RYR3: variants seen among roughly 807,000 people sequenced by gnomAD.
RYR3 encodes brain ryanodine receptor-calcium release channel.
RYR3 carries 207 observed loss-of-function variants against 584.3 expected under a neutral mutation model. That is an observed-to-expected ratio of 0.35 (90% CI 0.32 to 0.40). RYR3 has a LOEUF of 0.40. Among genes scored for constraint, RYR3 ranks in the 10% least tolerant of loss-of-function variants. RYR3 has a pLI of 1.00. For missense variants in RYR3, 5,616 were observed against 6,089.2 expected, an observed-to-expected ratio of 0.92 and a Z score of 2.59; for synonymous variants, 2,416 against 2,248.5, an observed-to-expected ratio of 1.07 and a Z score of -2.11.
At chr15:33,789,255 T>C (rs2074940483) in intron 67 of RYR3, among the ~76,000 whole-genome samples, 1 of 152,042 alleles carries the variant, frequency 6.6e-6, no homozygotes, top group Non-Finnish European at 1.5e-5. Flanking sequence ...GGACTCTGAC[T>C]TTTACTCTGA....
At chr15:33,821,410 C>A (rs770172398) in intron 79 of RYR3, 41 bp downstream of exon 79, 1 of 1,582,998 alleles carries the variant, frequency 6.3e-7, no homozygotes, top group African/African-American at 1.3e-5. Context: ...GTAACTTCCA[C>A]AAAGATATCA....
chr15:33,818,741 C>A, intron 76 of RYR3, 57 bp downstream of exon 76: 1 of 1,255,052 alleles, frequency 8.0e-7, no homozygotes, highest in Non-Finnish European at 1.2e-6. Flanking sequence ...TGTGTCCACT[C>A]CTGACCTTCT....
chr15:33,450,772 A>G (rs777409382), intron 1 of RYR3, among the ~76,000 whole-genome samples: 4 of 152,102 alleles, frequency 2.6e-5, no homozygotes, highest in Non-Finnish European at 5.9e-5. Flanking sequence ...ATGTGCCGAG[A>G]AAAAGGGGAG....
chr15:33,597,662 A>G (rs1156404821), intron 16 of RYR3, among the ~76,000 whole-genome samples: 1 of 152,114 alleles, frequency 6.6e-6, no homozygotes, highest in Non-Finnish European at 1.5e-5. Flanking sequence ...GAACTTTAAA[A>G]AGCATTTTAT....
In RYR3 at chr15:33,543,602, A is replaced by G. The variant is rs780486027; in HGVS notation, c.647-20A>G. 5.5e-6 allele frequency: 8 copies of G among 1,445,898 alleles called. No homozygotes were observed. In the South Asian group the frequency reaches 9.1e-5, roughly 17 times the overall value. The allele number at this position is 1,445,898 out of a possible 1,614,324, so 89.6% of individuals were successfully genotyped here. A position where few individuals can be genotyped will look rare whatever the true frequency, so the allele number is the denominator to read the frequency against. On this transcript the variant is annotated intron_variant, in intron 7 of 103. Transcript: ENST00000634891. ...CATTAAACTTCCCATCATTCACAGT[A>G]GAATATAATTCTCTTACAGGATACC...
chr15:33,796,945 G>T lies in RYR3; in HGVS notation c.9831-3825G>T, dbSNP rs553374600. On this transcript the variant is annotated intron_variant, in intron 67 of 103. Transcript: ENST00000634891. Reference sequence around the variant, plus strand: ...CTTTAGTGATTAAAAGGACAAAATCGTGTCTTTTATAGCAACGTGCATGGA... The same window carrying T: ...CTTTAGTGATTAAAAGGACAAAATCTTGTCTTTTATAGCAACGTGCATGGA... 1.4e-4 allele frequency among the ~76,000 whole-genome samples: 21 copies of T among 152,250 alleles called. 1 individual carries two copies. Among genetic ancestry groups the T allele is most frequent in the Admixed American group, 4.6e-4 (7 of 15,288 alleles).
At position 33,748,550 on chromosome 15, in the gene RYR3, C is replaced by G; in HGVS notation, c.8199+20C>G. On this transcript the variant is annotated intron_variant, in intron 55 of 103. Coordinates refer to ENST00000634891, the MANE Select transcript of RYR3 (RefSeq NM_001036.6). Reference sequence around the variant, plus strand: ...CTCCAGGTCAGTGCCCCAGGTCCAGCATGACTTGCTTTCAAGTGCAGGACG... The same window carrying G: ...CTCCAGGTCAGTGCCCCAGGTCCAGGATGACTTGCTTTCAAGTGCAGGACG... The G allele has an allele frequency of 6.2e-7, 1 of 1,604,866 alleles. No individual in the cohort carries two copies. Among genetic ancestry groups the G allele is most frequent in the Non-Finnish European group, 8.5e-7 (1 of 1,173,544 alleles).
intron 1 of RYR3, among the ~76,000 whole-genome samples, chr15:33,420,515 T>G (rs2044164358): frequency 6.6e-6 from 1 of 152,172 alleles, no homozygotes; most frequent in Non-Finnish European, 1.5e-5. Flanking sequence ...ATGTTGTGTC[T>G]TATTTGTTCT....
intron 38 of RYR3, among the ~76,000 whole-genome samples, chr15:33,685,383 C>T (rs1333221469): frequency 6.6e-6 from 1 of 152,154 alleles, no homozygotes; most frequent in East Asian, 1.9e-4. Context: ...ATCAATTCAA[C>T]AAGAAGAGCT....
chr15:33,434,336 C>G (rs1489793592), intron 1 of RYR3, among the ~76,000 whole-genome samples: 1 of 151,808 alleles, frequency 6.6e-6, no homozygotes, highest in Non-Finnish European at 1.5e-5. Context: ...CTTGGTGGGT[C>G]CTGTGCTTAT....
At chr15:33,325,332 G>A (rs1013498223) in intron 1 of RYR3, among the ~76,000 whole-genome samples, 3 of 152,172 alleles carry the variant, frequency 2.0e-5, no homozygotes, top group Admixed American at 1.3e-4. Context: ...TGTACTTGCC[G>A]ATTAGGAGCA....
chr15:33,845,192 C>G, intron 93 of RYR3, 130 bp downstream of exon 93: 1 of 792,752 alleles, frequency 1.3e-6, no homozygotes, highest in Non-Finnish European at 2.0e-6. Flanking sequence ...AGAGCAGCAG[C>G]AGCACATCAC....
intron 5 of RYR3, among the ~76,000 whole-genome samples, chr15:33,535,465 A>G (rs932993959): frequency 6.6e-6 from 1 of 152,234 alleles, no homozygotes; most frequent in African/African-American, 2.4e-5. Flanking sequence ...GTTTTCAGCC[A>G]AAGTGTTAGT....
At chr15:33,328,422 A>T (rs1426733666) in intron 1 of RYR3, among the ~76,000 whole-genome samples, 32 of 152,154 alleles carry the variant, frequency 2.1e-4, no homozygotes, top group Non-Finnish European at 1.5e-5. Flanking sequence ...ATCTTCAGTT[A>T]TTCCTTCTCA....
intron 8 of RYR3, among the ~76,000 whole-genome samples, chr15:33,544,435 G>A (rs773402706): frequency 6.6e-6 from 1 of 151,988 alleles, no homozygotes; most frequent in Non-Finnish European, 1.5e-5. Context: ...TTCCTTTTGT[G>A]TAATGCCTAC....
chr15:33,451,850 TA>T (rs2047159429), intron 1 of RYR3, among the ~76,000 whole-genome samples: 1 of 152,246 alleles, frequency 6.6e-6, no homozygotes, highest in Non-Finnish European at 1.5e-5. Context: ...CTTCAGTTGA[TA>T]AATAAAGCTC....
Position 33,802,344 on chromosome 15 carries a change from T to G in RYR3, c.10011+383T>G, listed in dbSNP as rs1019350932. 9.2e-5 allele frequency among the ~76,000 whole-genome samples: 14 copies of G among 152,336 alleles called. 1 individual carries two copies. Among genetic ancestry groups the G allele is most frequent in the Non-Finnish European group, 2.1e-4 (14 of 68,024 alleles). On this transcript the variant is annotated intron_variant, in intron 69 of 103. Coordinates refer to ENST00000634891, the MANE Select transcript of RYR3 (RefSeq NM_001036.6). ...TAGCTAGGAAAAAATTACCTTGCTT[T>G]GTAGATTTTGACAGCACGTACTCTT...
intron 1 of RYR3, among the ~76,000 whole-genome samples, chr15:33,447,649 A>G (rs79667115): frequency 0.018 from 2,796 of 152,246 alleles, 77 homozygotes; most frequent in African/African-American, 0.061. Context: ...GCCACTAGCT[A>G]CATGTAGCTA....
chr15:33,531,940 T>C (rs17817268), intron 4 of RYR3, among the ~76,000 whole-genome samples: 4,355 of 152,264 alleles, frequency 0.029, 70 homozygotes, highest in Non-Finnish European at 0.04. Flanking sequence ...TTCTTATGGC[T>C]TCAAAAACAA....
Sources: gnomAD v4.1 joint callset for allele counts (sites outside exome capture counted in the v4.1 genomes callset) on GRCh38, gnomAD v4.1.1 for gene constraint, MANE v1.5 for transcripts, NCBI Gene and HGNC (gene_info 2026-07-23, HGNC 2026-07-21) for gene names.